Variants in KHDRBS2 observed in about 807,000 individuals in gnomAD.
KHDRBS2 encodes the protein KH domain-containing, RNA-binding, signal transduction-associated protein 2.
Under a neutral mutation model 44.3 loss-of-function variants are expected in KHDRBS2, and 26 were observed. The ratio of observed to expected loss-of-function variants is 0.59; its 90% CI spans 0.43 to 0.81. The LOEUF is 0.81. Among genes scored for constraint, KHDRBS2 ranks in the 40% least tolerant of loss-of-function variants. The pLI, the probability that KHDRBS2 is intolerant of heterozygous loss-of-function variation, is 0.00. For synonymous variants in KHDRBS2, 194 were observed against 151.1 expected (o/e 1.28, Z -2.08); for missense variants, 476 against 433.1 (o/e 1.10, Z -0.88).
At chr6:61,604,163 G>C in the KHDRBS2 span, among the ~76,000 whole-genome samples, 1 of 152,156 alleles carries the variant, frequency 6.6e-6, no homozygotes, top group Non-Finnish European at 1.5e-5. Flanking sequence ...TGCTGTTATA[G>C]GGGCTGAAAG....
At chr6:61,605,906 G>A in the KHDRBS2 span, among the ~76,000 whole-genome samples, 3 of 152,166 alleles carry the variant, frequency 2.0e-5, no homozygotes, top group Non-Finnish European at 4.4e-5. Flanking sequence ...AGTAACTGAA[G>A]AATCACAAAA....
intron 1 of KHDRBS2, among the ~76,000 whole-genome samples, chr6:62,232,383 T>C (rs1833027783): frequency 6.6e-6 from 1 of 152,162 alleles, no homozygotes; most frequent in African/African-American, 2.4e-5. Flanking sequence ...TTGAGAATGA[T>C]TTTTATCCTA....
the KHDRBS2 span, among the ~76,000 whole-genome samples, chr6:61,637,334 T>G: frequency 6.6e-6 from 1 of 152,186 alleles, no homozygotes; most frequent in Non-Finnish European, 1.5e-5. Flanking sequence ...GTTTCCAGTT[T>G]CATCCATGTC....
the KHDRBS2 span, among the ~76,000 whole-genome samples, chr6:61,557,843 G>T: frequency 6.6e-6 from 1 of 152,034 alleles, no homozygotes; most frequent in African/African-American, 2.4e-5. Flanking sequence ...TTGAGGTTTT[G>T]CATATCCTCA....
intron 1 of KHDRBS2, among the ~76,000 whole-genome samples, chr6:62,258,057 T>C (rs1381813321): frequency 6.6e-6 from 1 of 152,022 alleles, no homozygotes; most frequent in East Asian, 1.9e-4. Context: ...AATACCTATG[T>C]TAGCAGTTAA....
chr6:62,269,334 T>C (rs1412986695), intron 1 of KHDRBS2, among the ~76,000 whole-genome samples: 1 of 152,016 alleles, frequency 6.6e-6, no homozygotes, highest in Non-Finnish European at 1.5e-5. Context: ...TCACAAAACA[T>C]ATTTGTAACA....
chr6:61,800,277 C>T (rs59265490), intron 6 of KHDRBS2, among the ~76,000 whole-genome samples: 5,352 of 152,096 alleles, frequency 0.035, 332 homozygotes, highest in African/African-American at 0.12. Context: ...CTTCACATTG[C>T]TACATAGTGT....
chr6:62,152,449 A>G (rs1410914510), intron 2 of KHDRBS2, among the ~76,000 whole-genome samples: 1 of 152,220 alleles, frequency 6.6e-6, no homozygotes, highest in African/African-American at 2.4e-5. Flanking sequence ...GTTCTTATGC[A>G]CATTAAGACA....
chr6:62,106,289 T>G (rs1803273302), intron 2 of KHDRBS2, among the ~76,000 whole-genome samples: 1 of 152,160 alleles, frequency 6.6e-6, no homozygotes, highest in Non-Finnish European at 1.5e-5. Context: ...TAGATGTCTA[T>G]TAGGTCTGCT....
At chr6:61,603,077 C>A in the KHDRBS2 span, among the ~76,000 whole-genome samples, 17 of 152,240 alleles carry the variant, frequency 1.1e-4, no homozygotes, top group South Asian at 1.0e-3. Context: ...TCACCCTTAC[C>A]CCGCTCAATG....
rs142391558 is a variant in KHDRBS2 at position 62,134,241 on chromosome 6, G to A, written c.219+42944C>T. On this transcript the variant is annotated intron_variant, in intron 2 of 8. Transcript: ENST00000281156. Reference sequence around the variant, plus strand: ...TAGGGACTTGGTGCCCTGGGTCTCCGCTGCTCTAGCCATAGCTAAAAGAGG... The same window carrying A: ...TAGGGACTTGGTGCCCTGGGTCTCCACTGCTCTAGCCATAGCTAAAAGAGG... Among the ~76,000 whole-genome samples the A allele has an allele frequency of 1.7e-3, 258 of 152,196 alleles. 2 individuals are homozygous for A. The highest frequency in any genetic ancestry group is 5.8e-3 in the African/African-American group (242 of 41,522).
intron 2 of KHDRBS2, among the ~76,000 whole-genome samples, chr6:62,066,478 C>T (rs1338795435): frequency 2.6e-5 from 4 of 151,640 alleles, no homozygotes; most frequent in South Asian, 2.1e-4. Context: ...CATAATGGAG[C>T]TATCAGATTT....
chr6:61,816,950 C>T, intron 6 of KHDRBS2: 1 of 455,752 alleles, frequency 2.2e-6, no homozygotes, highest in Non-Finnish European at 4.4e-6. Context: ...CTTGAGACAA[C>T]TTACCTGGTG....
chr6:61,870,306 C>T (rs1343995859), intron 6 of KHDRBS2, among the ~76,000 whole-genome samples: 1 of 152,176 alleles, frequency 6.6e-6, no homozygotes, highest in Non-Finnish European at 1.5e-5. Flanking sequence ...GCCCACGCAG[C>T]TCAGTAAGGC....
intron 3 of KHDRBS2, among the ~76,000 whole-genome samples, chr6:62,004,029 T>A (rs139520705): frequency 5.5e-4 from 84 of 152,248 alleles, no homozygotes; most frequent in African/African-American, 1.9e-3. Context: ...TTTATAGCAC[T>A]AAATGCCCAC....
chr6:62,126,184 G>A (rs1808924149), intron 2 of KHDRBS2, among the ~76,000 whole-genome samples: 1 of 152,176 alleles, frequency 6.6e-6, no homozygotes, highest in Non-Finnish European at 1.5e-5. Context: ...TGGGCCTTGA[G>A]TGAACATTAG....
intron 6 of KHDRBS2, among the ~76,000 whole-genome samples, chr6:61,739,110 T>G (rs1013159295): frequency 1.3e-5 from 2 of 151,934 alleles, no homozygotes; most frequent in East Asian, 3.8e-4. Context: ...ATATAGAATT[T>G]ATTATACATT....
intron 6 of KHDRBS2, among the ~76,000 whole-genome samples, chr6:61,752,778 G>A (rs933679511): frequency 6.6e-5 from 10 of 151,402 alleles, no homozygotes; most frequent in African/African-American, 1.7e-4. Context: ...AGATTAAACT[G>A]AGTATATATT....
At chr6:62,170,197 G>A (rs1313163184) in intron 2 of KHDRBS2, among the ~76,000 whole-genome samples, 2 of 152,028 alleles carry the variant, frequency 1.3e-5, no homozygotes, top group Non-Finnish European at 2.9e-5. Flanking sequence ...GGACCTGCCA[G>A]CTTGGTTGGT....
Sources: allele counts gnomAD v4.1 joint callset (sites outside exome capture counted in the v4.1 genomes callset), GRCh38; gene constraint gnomAD v4.1.1; transcripts MANE v1.5; gene names NCBI Gene and HGNC (gene_info 2026-07-23, HGNC 2026-07-21).